CEP128: variants seen among roughly 807,000 people sequenced by gnomAD.
CEP128 encodes the protein centrosomal protein 128kDa.
CEP128 carries 132 observed loss-of-function variants against 156.7 expected under a neutral mutation model. The observed-to-expected ratio is 0.84, with a 90% CI of 0.73 to 0.97. The LOEUF is 0.97. CEP128 is among the 50% of genes least tolerant of loss of function. The pLI is 0.00. For synonymous variants in CEP128, 469 were observed against 448.9 expected, an observed-to-expected ratio of 1.04 and a Z score of -0.57; for missense variants, 1,252 against 1,281.9, an observed-to-expected ratio of 0.98 and a Z score of 0.36.
intron 2 of CEP128, chr14:80,955,893 G>GGCAT: frequency 3.1e-6 from 5 of 1,613,544 alleles, no homozygotes; most frequent in Non-Finnish European, 4.2e-6. Flanking sequence ...AGAGATCAAG[G>GGCAT]GCATCTGCAG....
chr14:80,578,039 T>C (rs532433629), intron 20 of CEP128, among the ~76,000 whole-genome samples: 44 of 152,320 alleles, frequency 2.9e-4, no homozygotes, highest in African/African-American at 1.0e-3. Flanking sequence ...CTTAATTCCC[T>C]GTCAGTTCTG....
intron 19 of CEP128, among the ~76,000 whole-genome samples, chr14:80,629,677 C>G (rs1893883780): frequency 6.6e-6 from 1 of 151,782 alleles, no homozygotes; most frequent in Non-Finnish European, 1.5e-5. Flanking sequence ...AGGGTTTGCA[C>G]TGAAGTTTTT....
At chr14:80,943,352 G>C (rs7152900), upstream of CEP128, among the ~76,000 whole-genome samples, 10,050 of 152,176 alleles carry the variant, frequency 0.066, 1,103 homozygotes, top group African/African-American at 0.23. Flanking sequence ...AGACATAAAA[G>C]AGAAACTTTC....
At position 80,533,152 on chromosome 14, in the gene CEP128, G is replaced by A. The variant is rs146666625; in HGVS notation, c.2881-2266C>T. 2.4e-4 allele frequency among the ~76,000 whole-genome samples: 36 copies of A among 152,104 alleles called. No individual in the cohort carries two copies. The East Asian group carries it at 5.0e-3, about 21-fold the overall frequency. On this transcript the variant is annotated intron_variant, in intron 21 of 24. Coordinates refer to ENST00000555265, the MANE Select transcript of CEP128 (RefSeq NM_152446.5). ...TTAGGAGCTTGCAGTTTTAGCCACC[G>A]TATATGCCATATTCATTTAAATAAT...
chr14:80,917,540 CTTTTGTT>C (rs1431198915), intron 2 of CEP128, among the ~76,000 whole-genome samples: 1 of 151,828 alleles, frequency 6.6e-6, no homozygotes, highest in Non-Finnish European at 1.5e-5. Flanking sequence ...GTTTTGTTTT[CTTTTGTT>C]TTTTGAGACA....
intron 23 of CEP128, among the ~76,000 whole-genome samples, chr14:80,524,941 T>C (rs1201329916): frequency 6.6e-6 from 1 of 152,164 alleles, no homozygotes; most frequent in East Asian, 1.9e-4. Context: ...CAGCTGCAAA[T>C]GCAATTTTAA....
chr14:80,526,205 C>G (rs1444909091), intron 23 of CEP128, among the ~76,000 whole-genome samples: 3 of 152,096 alleles, frequency 2.0e-5, no homozygotes, highest in Non-Finnish European at 4.4e-5. Context: ...ACGCATAAGA[C>G]TACCTCTACC....
At chr14:80,735,002 T>C (rs1035064560) in intron 19 of CEP128, among the ~76,000 whole-genome samples, 3 of 152,096 alleles carry the variant, frequency 2.0e-5, no homozygotes, top group Admixed American at 6.5e-5. Flanking sequence ...ATACAAACCA[T>C]ATGACCTAAC....
At chr14:80,776,797 A>G (rs1291323298) in intron 16 of CEP128, among the ~76,000 whole-genome samples, 3 of 152,068 alleles carry the variant, frequency 2.0e-5, no homozygotes, top group Admixed American at 6.5e-5. Flanking sequence ...TTTGACTTCT[A>G]TTACCTTCAA....
intron 19 of CEP128, among the ~76,000 whole-genome samples, chr14:80,670,967 T>C (rs1895816598): frequency 6.6e-6 from 1 of 152,158 alleles, no homozygotes; most frequent in South Asian, 2.1e-4. Flanking sequence ...AATTGTTACC[T>C]TGATCTGTAA....
chr14:80,844,386 T>C (rs992831195), intron 9 of CEP128, among the ~76,000 whole-genome samples: 4 of 152,038 alleles, frequency 2.6e-5, no homozygotes, highest in African/African-American at 7.2e-5. Context: ...CCACACACTT[T>C]GGTAGGTGAA....
intron 14 of CEP128, among the ~76,000 whole-genome samples, chr14:80,480,289 G>A (rs1251972185): frequency 2.6e-5 from 4 of 152,182 alleles, no homozygotes; most frequent in Admixed American, 2.0e-4. Context: ...TTTTGCCTGG[G>A]CATCCAGGTG....
chr14:80,692,849 T>C (rs1416958713), intron 19 of CEP128, among the ~76,000 whole-genome samples: 1 of 152,208 alleles, frequency 6.6e-6, no homozygotes, highest in Non-Finnish European at 1.5e-5. Flanking sequence ...CATGTGGTGC[T>C]GTAGAATTCC....
chr14:80,494,935 A>G (rs1041070123), downstream of CEP128, among the ~76,000 whole-genome samples: 2 of 152,164 alleles, frequency 1.3e-5, no homozygotes, highest in Non-Finnish European at 2.9e-5. Flanking sequence ...AAGAAATAAT[A>G]TGACCTTAGC....
intron 2 of CEP128, among the ~76,000 whole-genome samples, chr14:80,936,123 A>G (rs1357162170): frequency 6.6e-6 from 1 of 152,212 alleles, no homozygotes; most frequent in Non-Finnish European, 1.5e-5. Flanking sequence ...ACAGAATTAA[A>G]GCTCATCCAT....
chr14:80,758,115 T>C (rs1192187152), intron 17 of CEP128, among the ~76,000 whole-genome samples: 1 of 152,252 alleles, frequency 6.6e-6, no homozygotes, highest in Non-Finnish European at 1.5e-5. Context: ...TGTGGCCTAA[T>C]AAAGATATTA....
At chr14:80,609,761 A>G (rs555608762) in intron 19 of CEP128, among the ~76,000 whole-genome samples, 1 of 152,204 alleles carries the variant, frequency 6.6e-6, no homozygotes, top group Non-Finnish European at 1.5e-5. Context: ...AAAGAATGCA[A>G]TAAGAAGGAA....
chr14:80,560,748 G>A (rs978140624), intron 20 of CEP128, among the ~76,000 whole-genome samples: 9 of 152,130 alleles, frequency 5.9e-5, no homozygotes, highest in Admixed American at 3.3e-4. Flanking sequence ...TCTTTCTCCC[G>A]TGCTGGATGC....
chr14:80,955,242 T>C (rs1054479477), intron 2 of CEP128: 1 of 310,974 alleles, frequency 3.2e-6, no homozygotes, highest in Non-Finnish European at 6.2e-6. Flanking sequence ...AGACAGGGTG[T>C]CTAGAAGGCT....
Sources: gnomAD v4.1 joint callset for allele counts (sites outside exome capture counted in the v4.1 genomes callset) on GRCh38, gnomAD v4.1.1 for gene constraint, MANE v1.5 for transcripts, NCBI Gene and HGNC (gene_info 2026-07-23, HGNC 2026-07-21) for gene names.